BCAS3: variants seen among roughly 807,000 people sequenced by gnomAD.
The protein encoded by BCAS3 is BCAS4/BCAS3 fusion.
In BCAS3, 53 loss-of-function variants were observed where a neutral mutation model predicts 116.1. That is an observed-to-expected ratio of 0.46 (90% CI 0.37 to 0.57). The LOEUF (loss-of-function observed/expected upper bound fraction) is 0.57. BCAS3 is among the 20% of genes least tolerant of loss of function. The pLI is 0.00. For synonymous variants in BCAS3, 391 were observed against 408.2 expected (o/e 0.96, Z 0.51); for missense variants, 917 against 1,165.4 (o/e 0.79, Z 3.10).
In BCAS3 at chr17:61,205,071, C is replaced by T. The variant is rs1233297141; in HGVS notation, c.2425+120507C>T. On this transcript the variant is annotated intron_variant, in intron 22 of 23. Transcript: ENST00000407086. The surrounding 1 kb of genome is among the most constrained non-coding windows in gnomAD (Gnocchi z 5.2). ...ATGACAGGATAAAAATTTAGGGAGG[C>T]CGATTCCATCTGCAATCAAAAGCTA... is the stretch of plus-strand genomic sequence containing the variant. 6.6e-6 allele frequency among the ~76,000 whole-genome samples: 1 copy of T among 151,890 alleles called. No individual in the cohort carries two copies. Among genetic ancestry groups the T allele is most frequent in the Non-Finnish European group, 1.5e-5 (1 of 67,982 alleles).
rs78239936 is a variant in BCAS3, at chr17:60,783,937, T to G, written c.404-24067T>G. 5.0e-3 allele frequency among the ~76,000 whole-genome samples: 754 copies of G among 152,298 alleles called. 5 individuals are homozygous for G. The highest frequency in any genetic ancestry group is 0.017 in the African/African-American group (727 of 41,566). On this transcript the variant is annotated intron_variant, in intron 6 of 23. Coordinates refer to ENST00000407086, the MANE Select transcript of BCAS3 (RefSeq NM_017679.5). ...GGGCAGCTGTAGTGAACAATGAGAA[T>G]TGGCCACATAAAGTTTCCTTAAATA...
chr17:61,202,059 C>CTTTTTTTTTTTTT (rs35961240), intron 22 of BCAS3, among the ~76,000 whole-genome samples: 13 of 70,338 alleles, frequency 1.8e-4, no homozygotes, highest in African/African-American at 4.7e-4. Context: ...TGCCCGGCCT[C>CTTTTTTTTTTTTT]TTTTTTTTTT....
intron 22 of BCAS3, among the ~76,000 whole-genome samples, chr17:61,094,507 A>G (rs2073838140): frequency 6.6e-6 from 1 of 152,246 alleles, no homozygotes; most frequent in Non-Finnish European, 1.5e-5. Context: ...TAGAAATTTG[A>G]AAACCTTGTA....
At chr17:60,894,680 C>T (rs1364858065) in intron 10 of BCAS3, among the ~76,000 whole-genome samples, 1 of 152,152 alleles carries the variant, frequency 6.6e-6, no homozygotes, top group African/African-American at 2.4e-5. Flanking sequence ...TTTCCCCATT[C>T]AGCCTGATGT....
intron 22 of BCAS3, among the ~76,000 whole-genome samples, chr17:61,268,943 C>CT (rs1328402161): frequency 4.0e-5 from 6 of 150,642 alleles, no homozygotes; most frequent in East Asian, 1.9e-4. Flanking sequence ...GCAGGATTTC[C>CT]TTTTTTTTTA....
chr17:60,790,569 G>A lies in BCAS3; in HGVS notation c.404-17435G>A, dbSNP rs537457117. Among the ~76,000 whole-genome samples the A allele has an allele frequency of 3.9e-5, 6 of 152,148 alleles. No individual in the cohort carries two copies. In the East Asian group the frequency reaches 9.7e-4, roughly 24 times the overall value. ...ACTGTGAAATCTGATTTGTTTAGCA[G>A]GAGTAATGGCACACCATGTACAGTA... On this transcript the variant is annotated intron_variant, in intron 6 of 23. Coordinates refer to ENST00000407086, the MANE Select transcript of BCAS3 (RefSeq NM_017679.5).
At chr17:60,842,908 G>C (rs966454056) in intron 7 of BCAS3, among the ~76,000 whole-genome samples, 2 of 146,594 alleles carry the variant, frequency 1.4e-5, no homozygotes, top group African/African-American at 5.1e-5. Context: ...GTCTTGCTCT[G>C]TTGCCCAGAC....
intron 12 of BCAS3, among the ~76,000 whole-genome samples, chr17:60,920,555 A>G (rs896405921): frequency 5.9e-5 from 9 of 152,100 alleles, no homozygotes; most frequent in Non-Finnish European, 2.9e-5. Flanking sequence ...CCTTAACACC[A>G]GTCAGAATGG....
Position 61,265,824 on chromosome 17 carries a change from A to T in BCAS3, c.2426-102503A>T, listed in dbSNP as rs1241089770. On this transcript the variant is annotated intron_variant, in intron 22 of 23. Coordinates refer to ENST00000407086, the MANE Select transcript of BCAS3 (RefSeq NM_017679.5). The surrounding 1 kb of genome is among the most constrained non-coding windows in gnomAD (Gnocchi z 4.3). ...TAAAAAAAAAATCTTTGACTCCACC[A>T]TTTTTATAATAAACACTTGCAAACT... Among the ~76,000 whole-genome samples, 1 of 152,162 alleles carries T rather than the reference A, an allele frequency of 6.6e-6. No individual in the cohort carries two copies. Among genetic ancestry groups the T allele is most frequent in the Non-Finnish European group, 1.5e-5 (1 of 68,014 alleles).
In BCAS3 at chr17:60,964,971, C is replaced by A. The variant is rs115095717; in HGVS notation, c.1221+17619C>A. ...GCTCAAGACTTGTTGATTTTGTTTA[C>A]ATTTTTGAAAACCAATGTTTTGTTC... On this transcript the variant is annotated intron_variant, in intron 14 of 23. Coordinates refer to ENST00000407086, the MANE Select transcript of BCAS3 (RefSeq NM_017679.5). The surrounding 1 kb of genome is among the most constrained non-coding windows in gnomAD (Gnocchi z 4.6). Among the ~76,000 whole-genome samples the A allele has an allele frequency of 7.2e-3, 1,089 of 151,994 alleles. 9 individuals are homozygous for A. Among genetic ancestry groups the A allele is most frequent in the Middle Eastern group, 0.024 (7 of 294 alleles).
Position 61,241,070 on chromosome 17 carries a change from T to C in BCAS3, c.2426-127257T>C, listed in dbSNP as rs1009468378. ...CCCCTCAGTTCTCACTCTCCATCAC[T>C]TACCCTTCAAAAGACTCTGAATAGC... On this transcript the variant is annotated intron_variant, in intron 22 of 23. Transcript: ENST00000407086. This position sits in a 1 kb window ranked among gnomAD's most constrained non-coding sequence, Gnocchi z 4.6. 6.6e-6 allele frequency among the ~76,000 whole-genome samples: 1 copy of C among 152,212 alleles called. No homozygotes were observed. The highest frequency in any genetic ancestry group is 2.4e-5 in the African/African-American group (1 of 41,460).
Position 61,366,116 on chromosome 17 carries a change from C to A in BCAS3, c.2426-2211C>A, listed in dbSNP as rs2058716250. Among the ~76,000 whole-genome samples the A allele has an allele frequency of 2.0e-5, 3 of 150,422 alleles. No homozygotes were observed. Among genetic ancestry groups the A allele is most frequent in the Non-Finnish European group, 4.4e-5 (3 of 67,720 alleles). ...CAAGATCATACCACTGCACTCCATCCTGGGCGACAGAGTGAGACTGTCTCA... is the reference window on the plus strand; with the variant it reads ...CAAGATCATACCACTGCACTCCATCATGGGCGACAGAGTGAGACTGTCTCA... On this transcript the variant is annotated intron_variant, in intron 22 of 23. Transcript: ENST00000407086. The surrounding 1 kb of genome is among the most constrained non-coding windows in gnomAD (Gnocchi z 4.5).
At chr17:60,935,697 T>C (rs931634475) in intron 13 of BCAS3, among the ~76,000 whole-genome samples, 2 of 152,218 alleles carry the variant, frequency 1.3e-5, no homozygotes, top group Admixed American at 6.5e-5. Context: ...GATGACTATC[T>C]TTGAAACTTT....
At chr17:61,116,213 C>T (rs986066422) in intron 22 of BCAS3, among the ~76,000 whole-genome samples, 8 of 150,838 alleles carry the variant, frequency 5.3e-5, no homozygotes, top group South Asian at 4.2e-4. Context: ...GCACAATGTG[C>T]GCATGTACCC....
At chr17:60,689,627 C>T (rs558259950) in intron 3 of BCAS3, 59 bp from the exon 4 acceptor site, 14 of 1,280,996 alleles carry the variant, frequency 1.1e-5, no homozygotes, top group Middle Eastern at 2.0e-4. Flanking sequence ...TTGTTTTGAA[C>T]ATCAGTAATA....
In BCAS3 at chr17:61,279,158, GCTGGTCTTGAACTC is replaced by G. The variant is rs1486608268; in HGVS notation, c.2426-89165_2426-89152del. Among the ~76,000 whole-genome samples the G allele has an allele frequency of 6.6e-6, 1 of 151,594 alleles. No individual in the cohort carries two copies. Among genetic ancestry groups the G allele is most frequent in the Non-Finnish European group, 1.5e-5 (1 of 68,006 alleles). The stretch of plus-strand genomic sequence containing the variant: ...GACGGGGTTTTACTGTGTTGGCCAG[GCTGGTCTTGAACTC>G]CTGACCTCAAGTGATCCGCCCACCT... On this transcript the variant is annotated intron_variant, in intron 22 of 23. Coordinates refer to ENST00000407086, the MANE Select transcript of BCAS3 (RefSeq NM_017679.5). The surrounding 1 kb of genome is among the most constrained non-coding windows in gnomAD (Gnocchi z 4.4).
At position 61,388,740 on chromosome 17, in the gene BCAS3, T is replaced by C. The variant is rs551613177; in HGVS notation, c.2594-3237T>C. 5.2e-6 allele frequency: 8 copies of C among 1,531,468 alleles called. No individual in the cohort carries two copies. The highest frequency in any genetic ancestry group is 1.4e-5 in the African/African-American group (1 of 72,798). The allele number at this position is 1,531,468 out of a possible 1,614,324, so 94.9% of individuals were successfully genotyped here. On this transcript the variant is annotated intron_variant, in intron 23 of 23. Coordinates refer to ENST00000407086, the MANE Select transcript of BCAS3 (RefSeq NM_017679.5). This position sits in a 1 kb window ranked among gnomAD's most constrained non-coding sequence, Gnocchi z 6.5. Reference sequence around the variant, plus strand: ...CCACACGTTTCCATTTGCCGCTTGCTCGTAGGGCTGGGCGGCCGGGATGAC... The same window carrying C: ...CCACACGTTTCCATTTGCCGCTTGCCCGTAGGGCTGGGCGGCCGGGATGAC...
intron 14 of BCAS3, among the ~76,000 whole-genome samples, chr17:60,975,762 A>G (rs1469223563): frequency 6.6e-6 from 1 of 152,116 alleles, no homozygotes; most frequent in Non-Finnish European, 1.5e-5. Context: ...TGCTTATTTT[A>G]TACATTTCAT....
At chr17:60,905,809 A>G (rs1353085428) in intron 11 of BCAS3, among the ~76,000 whole-genome samples, 1 of 152,174 alleles carries the variant, frequency 6.6e-6, no homozygotes, top group Non-Finnish European at 1.5e-5. Flanking sequence ...GATTGGTTTT[A>G]TAGATGAGCT....
Sources: allele counts gnomAD v4.1 joint callset (sites outside exome capture counted in the v4.1 genomes callset), GRCh38; gene constraint gnomAD v4.1.1; non-coding constraint Gnocchi (gnomAD v3.1); transcripts MANE v1.5; gene names NCBI Gene and HGNC (gene_info 2026-07-23, HGNC 2026-07-21).